Variants in ELL observed in about 807,000 individuals in gnomAD.
The protein encoded by ELL is RNA polymerase II elongation factor ELL.
In ELL, 18 loss-of-function variants were observed where a neutral mutation model predicts 64.0. The observed-to-expected ratio is 0.28, with a 90% CI of 0.19 to 0.42. The LOEUF (loss-of-function observed/expected upper bound fraction) is 0.42. ELL is among the 10% of genes least tolerant of loss of function. The pLI is 1.00. For missense variants in ELL, 797 were observed against 870.4 expected, an observed-to-expected ratio of 0.92 and a Z score of 1.06; for synonymous variants, 399 against 376.2, an observed-to-expected ratio of 1.06 and a Z score of -0.70.
At chr19:18,469,184 A>G (rs1273478318) in intron 2 of ELL, among the ~76,000 whole-genome samples, 2 of 152,032 alleles carry the variant, frequency 1.3e-5, no homozygotes, top group Non-Finnish European at 2.9e-5. Context: ...CACAGAGGGC[A>G]TGGCGGTTGG....
chr19:18,491,107 G>T (rs964790116), intron 1 of ELL, among the ~76,000 whole-genome samples: 2 of 152,112 alleles, frequency 1.3e-5, no homozygotes, highest in African/African-American at 4.8e-5. Context: ...CTTTGAGACA[G>T]GGTCTTGCTC....
intron 2 of ELL, chr19:18,471,163 A>G: frequency 2.7e-6 from 1 of 371,016 alleles, no homozygotes; most frequent in Non-Finnish European, 5.3e-6. Flanking sequence ...ATTTGAGCCT[A>G]GAAGTTCAAG....
chr19:18,474,062 T>A (rs895981325), intron 1 of ELL, among the ~76,000 whole-genome samples: 1 of 152,194 alleles, frequency 6.6e-6, no homozygotes, highest in African/African-American at 2.4e-5. Context: ...AGACAACACC[T>A]ACCCCATGGG....
intron 1 of ELL, among the ~76,000 whole-genome samples, chr19:18,476,252 C>T (rs1475835808): frequency 1.3e-5 from 2 of 152,202 alleles, no homozygotes; most frequent in African/African-American, 4.8e-5. Context: ...GGGGTCGGCC[C>T]GGGGCTAACA....
At chr19:18,463,749 T>A (rs569327620) in intron 4 of ELL, among the ~76,000 whole-genome samples, 6 of 149,964 alleles carry the variant, frequency 4.0e-5, no homozygotes, top group African/African-American at 1.5e-4. Flanking sequence ...GATGCTGAGG[T>A]GGGCGGATTA....
intron 5 of ELL, 26 bp from the exon 6 acceptor site, chr19:18,458,355 T>C: frequency 6.2e-7 from 1 of 1,601,096 alleles, no homozygotes; most frequent in Non-Finnish European, 8.5e-7. Flanking sequence ...AGCCATCACT[T>C]TGTGGGAATC....
chr19:18,518,140 A>AT (rs1976168263), intron 1 of ELL, among the ~76,000 whole-genome samples: 1 of 151,626 alleles, frequency 6.6e-6, no homozygotes. Flanking sequence ...GTGAGCCAAG[A>AT]TAACACCATT....
At chr19:18,494,868 A>G (rs988398454) in intron 1 of ELL, among the ~76,000 whole-genome samples, 1 of 151,976 alleles carries the variant, frequency 6.6e-6, no homozygotes, top group African/African-American at 2.4e-5. Flanking sequence ...ACCTTCCTCC[A>G]CTTCCCTAGC....
chr19:18,464,964 G>A (rs574714295), intron 4 of ELL, among the ~76,000 whole-genome samples: 23 of 152,352 alleles, frequency 1.5e-4, no homozygotes, highest in African/African-American at 4.6e-4. Context: ...CTGTGGTGGC[G>A]TTGGGCAGGA....
In ELL at chr19:18,443,821, AGAC is replaced by A; in HGVS notation, c.*928_*930del. 4.3e-6 allele frequency: 1 copy of A among 233,156 alleles called. No homozygotes were observed. Among genetic ancestry groups the A allele is most frequent in the Non-Finnish European group, 8.5e-6 (1 of 117,978 alleles). The allele number at this position is 233,156 out of a possible 1,614,324, so 14.4% of individuals were successfully genotyped here. On this transcript the variant is annotated 3_prime_UTR_variant, in exon 12 of 12. Transcript: ENST00000262809. ...GCAAACCTTGGCGGTGGCTCTGCTA[AGAC>A]GACCCCAGGACCCACAAGTGGACAG...
chr19:18,498,308 A>C (rs1027483936), intron 1 of ELL, among the ~76,000 whole-genome samples: 1 of 152,200 alleles, frequency 6.6e-6, no homozygotes, highest in African/African-American at 2.4e-5. Flanking sequence ...CGGATCACTA[A>C]AACTATTTCT....
chr19:18,510,699 A>G (rs1291608279), intron 1 of ELL, among the ~76,000 whole-genome samples: 1 of 152,208 alleles, frequency 6.6e-6, no homozygotes, highest in Non-Finnish European at 1.5e-5. Context: ...GATGGCTACC[A>G]TCAAAAAATA....
intron 5 of ELL, among the ~76,000 whole-genome samples, chr19:18,460,188 T>C (rs998693839): frequency 1.1e-4 from 16 of 144,514 alleles, no homozygotes; most frequent in African/African-American, 4.5e-4. Context: ...TTCCTCAGCA[T>C]GTCTGAGGGC....
chr19:18,443,197 G>A lies in ELL; in HGVS notation c.*1555C>T, dbSNP rs777483841. The A allele has an allele frequency of 3.5e-5, 8 of 231,320 alleles. No individual in the cohort carries two copies. The highest frequency in any genetic ancestry group is 3.0e-4 in the East Asian group (5 of 16,408). The allele number at this position is 231,320 out of a possible 1,614,324, so 14.3% of individuals were successfully genotyped here. A position where few individuals can be genotyped will look rare whatever the true frequency, so the allele number is the denominator to read the frequency against. On this transcript the variant is annotated 3_prime_UTR_variant, in exon 12 of 12. Coordinates refer to ENST00000262809, the MANE Select transcript of ELL (RefSeq NM_006532.4). ...CCTGGAGCCTGCTCGGCCCTTCCCC[G>A]GCCCGGCCCGGCCCAAAGAGAAAAA...
chr19:18,515,063 G>A (rs904115258), intron 1 of ELL, among the ~76,000 whole-genome samples: 3 of 152,224 alleles, frequency 2.0e-5, no homozygotes, highest in Non-Finnish European at 2.9e-5. Context: ...CAGAGGGGTG[G>A]GTTTCCGAGT....
At chr19:18,462,514 G>A (rs2144915802) in intron 4 of ELL, among the ~76,000 whole-genome samples, 2 of 152,104 alleles carry the variant, frequency 1.3e-5, no homozygotes, top group Middle Eastern at 6.8e-3. Flanking sequence ...CTCTGGAGTA[G>A]CTGGGACCAC....
chr19:18,498,694 T>C (rs1975715501), intron 1 of ELL, among the ~76,000 whole-genome samples: 1 of 152,162 alleles, frequency 6.6e-6, no homozygotes, highest in Non-Finnish European at 1.5e-5. Flanking sequence ...TGGTGGCTCA[T>C]GCCTGTGGCA....
intron 1 of ELL, among the ~76,000 whole-genome samples, chr19:18,486,128 A>T (rs1164726149): frequency 6.6e-6 from 1 of 152,130 alleles, no homozygotes; most frequent in Non-Finnish European, 1.5e-5. Flanking sequence ...AACAAGCCCC[A>T]CAGCACAAAC....
chr19:18,518,489 CAAAA>C (rs34535243), intron 1 of ELL, among the ~76,000 whole-genome samples: 1 of 110,604 alleles, frequency 9.0e-6, no homozygotes, highest in African/African-American at 3.3e-5. Flanking sequence ...AACCCTGTCT[CAAAA>C]AAAAAAAAAA....
Sources: gnomAD v4.1 joint callset for allele counts (sites outside exome capture counted in the v4.1 genomes callset) on GRCh38, gnomAD v4.1.1 for gene constraint, MANE v1.5 for transcripts, NCBI Gene and HGNC (gene_info 2026-07-23, HGNC 2026-07-21) for gene names.